Variants in MAP3K1 observed in about 807,000 individuals in gnomAD.
The protein encoded by MAP3K1 is mitogen-activated protein kinase kinase kinase 1.
MAP3K1 carries 36 observed loss-of-function variants against 144.2 expected under a neutral mutation model. The ratio of observed to expected loss-of-function variants is 0.25; its 90% CI spans 0.19 to 0.33. MAP3K1 has a LOEUF of 0.33. Among genes scored for constraint, MAP3K1 ranks in the 10% least tolerant of loss-of-function variants. The pLI is 1.00. For synonymous variants in MAP3K1, 718 were observed against 688.7 expected (o/e 1.04, Z -0.67); for missense variants, 1,650 against 1,881.9 (o/e 0.88, Z 2.28).
chr5:56,856,593 A>G lies in MAP3K1; in HGVS notation c.483-7A>G. ...TCTCATTTTATTTGTTTCTGCCTGCATTTTAGTCGTGAGATGGAGAATAAA... is the reference window on the plus strand; with the variant it reads ...TCTCATTTTATTTGTTTCTGCCTGCGTTTTAGTCGTGAGATGGAGAATAAA... On this transcript the variant is annotated splice_region_variant and splice_polypyrimidine_tract_variant and intron_variant, in intron 1 of 19. Coordinates refer to ENST00000399503, the MANE Select transcript of MAP3K1 (RefSeq NM_005921.2). 2.5e-6 allele frequency: 4 copies of G among 1,610,562 alleles called. No homozygotes were observed. Among genetic ancestry groups the G allele is most frequent in the Non-Finnish European group, 3.4e-6 (4 of 1,176,842 alleles).
At chr5:56,862,449 A>G (rs1747544822) in intron 3 of MAP3K1, among the ~76,000 whole-genome samples, 1 of 152,190 alleles carries the variant, frequency 6.6e-6, no homozygotes, top group Non-Finnish European at 1.5e-5. Context: ...AGTTTACAAC[A>G]AGTATAAACA....
rs55694258 is a variant in MAP3K1 at position 56,859,791 on chromosome 5, A to G, written c.710A>G (p.Gln237Arg). Residue 237 changes from glutamine (Q) to arginine (R), a missense_variant, in exon 3 of 20, where the codon CAG (glutamine) becomes CGG (arginine). By Grantham distance (43) the Gln-to-Arg change is conservative. Coordinates refer to ENST00000399503, the MANE Select transcript of MAP3K1 (RefSeq NM_005921.2). ...HLAAESPGEVQASAASPASKG... is the reference protein window; with the variant it reads ...HLAAESPGEVRASAASPASKG... ...GCAGCTGAGTCTCCAGGAGAGGTCC[A>G]GGCAAGTGCGGCTTCACCAGCTTCC... 9.4e-4 allele frequency: 1,517 copies of G among 1,614,096 alleles called. 9 individuals carry two copies. The Middle Eastern group carries it at 0.022, about 24-fold the overall frequency.
chr5:56,850,875 A>G (rs1297720078), intron 1 of MAP3K1, among the ~76,000 whole-genome samples: 2 of 152,238 alleles, frequency 1.3e-5, no homozygotes, highest in African/African-American at 2.4e-5. Context: ...GACAAACATA[A>G]TATTTCCTTC....
chr5:56,827,260 C>T (rs528459985), intron 1 of MAP3K1, among the ~76,000 whole-genome samples: 350 of 152,332 alleles, frequency 2.3e-3, no homozygotes, highest in African/African-American at 8.1e-3. Context: ...ATTGCCCCCA[C>T]TGGCCAATCC....
intron 19 of MAP3K1, among the ~76,000 whole-genome samples, chr5:56,889,714 C>T (rs186583827): frequency 3.9e-5 from 6 of 152,052 alleles, no homozygotes; most frequent in African/African-American, 1.4e-4. Context: ...TTTTTTGTGT[C>T]TACCCTCCAT....
chr5:56,834,003 C>T (rs1172284487), intron 1 of MAP3K1, among the ~76,000 whole-genome samples: 1 of 152,090 alleles, frequency 6.6e-6, no homozygotes. Context: ...CTTCCTGACC[C>T]CTATGCCTTC....
At chr5:56,872,607 A>G (rs1747888723) in intron 7 of MAP3K1, 34 bp from the exon 8 acceptor site, 1 of 1,230,460 alleles carries the variant, frequency 8.1e-7, no homozygotes, top group Non-Finnish European at 1.2e-6. Context: ...AAACATTTAC[A>G]TTTTTGTAAG....
intron 13 of MAP3K1, 138 bp from the exon 14 acceptor site, chr5:56,881,430 CTT>C (rs1211767053): frequency 5.1e-6 from 5 of 975,886 alleles, no homozygotes; most frequent in Non-Finnish European, 7.8e-6. Flanking sequence ...AGTCTGGGCT[CTT>C]TAATTAAAAA....
chr5:56,879,652 G>A lies in MAP3K1; in HGVS notation c.2087+551G>A, dbSNP rs1422468760. Among the ~76,000 whole-genome samples, 3 of 152,132 alleles carry A rather than the reference G, an allele frequency of 2.0e-5. No homozygotes were observed. The East Asian group carries it at 5.8e-4, about 29-fold the overall frequency. ...TAACCCTAACTGGAAAGAAAAATATGAAGTAGAGAATTGAGGTACAATGAC... is the reference window on the plus strand; with the variant it reads ...TAACCCTAACTGGAAAGAAAAATATAAAGTAGAGAATTGAGGTACAATGAC... On this transcript the variant is annotated intron_variant, in intron 11 of 19. Transcript: ENST00000399503.
intron 1 of MAP3K1, among the ~76,000 whole-genome samples, chr5:56,834,238 T>C (rs1412713231): frequency 6.6e-6 from 1 of 152,240 alleles, no homozygotes; most frequent in East Asian, 1.9e-4. Context: ...TGACATACTT[T>C]CCTATGTGTA....
chr5:56,887,986 T>C (rs1034631484), intron 18 of MAP3K1: 16 of 554,852 alleles, frequency 2.9e-5, no homozygotes, highest in Middle Eastern at 4.8e-4. Flanking sequence ...CCACATAGTT[T>C]GCTAAGAGCA....
intron 1 of MAP3K1, chr5:56,842,267 C>T (rs1223268622): frequency 6.6e-6 from 1 of 152,182 alleles, no homozygotes; most frequent in Non-Finnish European, 1.5e-5. Context: ...TTTCAAATAA[C>T]TTGTTAAAAG....
intron 3 of MAP3K1, among the ~76,000 whole-genome samples, chr5:56,864,447 G>A (rs948730970): frequency 1.8e-4 from 27 of 150,194 alleles, no homozygotes; most frequent in Non-Finnish European, 2.8e-4. Flanking sequence ...GCACAATCTC[G>A]GCTTACTGCA....
chr5:56,841,019 G>A (rs895830663), intron 1 of MAP3K1, among the ~76,000 whole-genome samples: 5 of 152,026 alleles, frequency 3.3e-5, no homozygotes, highest in African/African-American at 1.2e-4. Context: ...GGGATTACAG[G>A]CATGCACCAC....
intron 1 of MAP3K1, among the ~76,000 whole-genome samples, chr5:56,834,142 G>A (rs77430814): frequency 8.0e-6 from 1 of 125,262 alleles, no homozygotes; most frequent in Non-Finnish European, 1.8e-5. Context: ...TTCTTCAGTA[G>A]TAGTTTGCTG....
At chr5:56,850,505 C>T (rs1193623870) in intron 1 of MAP3K1, among the ~76,000 whole-genome samples, 9 of 152,240 alleles carry the variant, frequency 5.9e-5, no homozygotes, top group Middle Eastern at 3.4e-3. Flanking sequence ...TTAATCAAAT[C>T]GTCACTGTTG....
At chr5:56,841,070 G>T (rs1030366032) in intron 1 of MAP3K1, among the ~76,000 whole-genome samples, 2 of 151,978 alleles carry the variant, frequency 1.3e-5, no homozygotes, top group Non-Finnish European at 2.9e-5. Context: ...TAGAGATGGG[G>T]TTTTGCCATA....
chr5:56,884,694 CAAG>C lies in MAP3K1; in HGVS notation c.3857_3859del (p.Glu1286del), dbSNP rs1397309724. The C allele has an allele frequency of 2.5e-6, 4 of 1,613,610 alleles. No individual in the cohort carries two copies. Among genetic ancestry groups the C allele is most frequent in the Non-Finnish European group, 2.5e-6 (3 of 1,179,798 alleles). On this transcript the variant is annotated inframe_deletion, in exon 16 of 20. Transcript: ENST00000399503. ...TTATGTCAGAAACACATCTTCTGAGCAAGAAGAAGTAGTAGAAGCACTAAGAGA... is the reference window on the plus strand; with the variant it reads ...TTATGTCAGAAACACATCTTCTGAGCAAGAAGTAGTAGAAGCACTAAGAGA...
chr5:56,875,368 G>A (rs1012143367), intron 10 of MAP3K1, 58 bp downstream of exon 10: 17 of 1,570,772 alleles, frequency 1.1e-5, no homozygotes, highest in African/African-American at 6.7e-5. Context: ...TTGATGGTTC[G>A]TAGATAGTGT....
Sources: gnomAD v4.1 joint callset for allele counts (sites outside exome capture counted in the v4.1 genomes callset) on GRCh38, gnomAD v4.1.1 for gene constraint, MANE v1.5 for transcripts, NCBI Gene and HGNC (gene_info 2026-07-23, HGNC 2026-07-21) for gene names.